Variants in PLEKHH3 observed in about 807,000 individuals in gnomAD.
PLEKHH3 encodes pleckstrin homology domain-containing family H member 3.
In PLEKHH3, 57 loss-of-function variants were observed where a neutral mutation model predicts 77.8. That is an observed-to-expected ratio of 0.73 (90% confidence interval 0.59 to 0.91). The LOEUF is 0.91. Ranked by LOEUF, PLEKHH3 falls within the 40% of genes least tolerant of loss-of-function variation. The pLI is 0.00. For synonymous variants in PLEKHH3, 467 were observed against 504.8 expected, an observed-to-expected ratio of 0.93 and a Z score of 1.00; for missense variants, 1,082 against 1,091.2, an observed-to-expected ratio of 0.99 and a Z score of 0.12.
rs368365301 is a variant in PLEKHH3, at chr17:42,669,304, TTGTC to T, written c.2205+122_2205+125del. 14 of 947,488 alleles carry T rather than the reference TTGTC, an allele frequency of 1.5e-5. No individual in the cohort carries two copies. The African/African-American group carries it at 2.4e-4, about 16-fold the overall frequency. The allele number at this position is 947,488 out of a possible 1,614,324, so 58.7% of individuals were successfully genotyped here. A position where few individuals can be genotyped will look rare whatever the true frequency, so the allele number is the denominator to read the frequency against. The stretch of plus-strand genomic sequence containing the variant: ...CCACTCTAGTGTAAGCTCCTTCAGC[TTGTC>T]TGTGATCACTGCTGGATCCCCAGTG... On this transcript the variant is annotated intron_variant, in intron 12 of 12. Transcript: ENST00000591022.
chr17:42,672,486 A>C, intron 6 of PLEKHH3, 94 bp from the exon 7 acceptor site: 1 of 1,108,308 alleles, frequency 9.0e-7, no homozygotes, highest in East Asian at 2.7e-5. Flanking sequence ...GTCAGAGGGA[A>C]TATAAGGGGA....
chr17:42,674,539 G>A, intron 1 of PLEKHH3, 130 bp from the exon 2 acceptor site: 1 of 762,438 alleles, frequency 1.3e-6, no homozygotes, highest in South Asian at 2.8e-5. Flanking sequence ...TCGTGACTAG[G>A]GTGGAGCACG....
At position 42,672,334 on chromosome 17, in the gene PLEKHH3, C is replaced by T; in HGVS notation, c.828G>A (p.Ala276=). 6.5e-7 allele frequency: 1 copy of T among 1,546,180 alleles called. No individual in the cohort carries two copies. Among genetic ancestry groups the T allele is most frequent in the Non-Finnish European group, 8.7e-7 (1 of 1,146,116 alleles). Residue 276 remains alanine (A), a synonymous_variant, in exon 7 of 13, where the codon GCG becomes GCA. Coordinates refer to ENST00000591022, the MANE Select transcript of PLEKHH3 (RefSeq NM_024927.5). ...GCCCGGGGCGCCGCGCCCCCTCCAG[C>T]GCCTGCAGCGCCAAGAACAGCCGCA... ...EAVRLFLALQ[A]LEGARRPGPL...
In PLEKHH3 at chr17:42,668,133, C is replaced by T. The variant is rs557532948; in HGVS notation, c.2376G>A (p.Gln792=). The part of the protein sequence containing the change: ...QGQSGCLGQL[Q]D ...TCGTGACCTCTTGGCAGGCTCAGTC[C>T]TGCAGCTGCCCCAAGCAGCCAGACT... Residue 792 remains glutamine (Q), a synonymous_variant, in exon 13 of 13, where the codon CAG becomes CAA. Coordinates refer to ENST00000591022, the MANE Select transcript of PLEKHH3 (RefSeq NM_024927.5). The T allele has an allele frequency of 4.8e-6, 7 of 1,449,990 alleles. No homozygotes were observed. In the African/African-American group the frequency reaches 8.8e-5, roughly 18 times the overall value. 89.8% of individuals were successfully genotyped at this position (1,449,990 alleles called of 1,614,324 possible). A position where few individuals can be genotyped will look rare whatever the true frequency, so the allele number is the denominator to read the frequency against.
chr17:42,675,181 G>C (rs542575216), intron 1 of PLEKHH3, among the ~76,000 whole-genome samples: 1 of 152,028 alleles, frequency 6.6e-6, no homozygotes, highest in South Asian at 2.1e-4. Context: ...AACCCAACCC[G>C]GAGGCCAGTC....
At chr17:42,674,595 G>C (rs2052781872) in intron 1 of PLEKHH3, 186 bp from the exon 2 acceptor site, 3 of 453,018 alleles carry the variant, frequency 6.6e-6, no homozygotes, top group Non-Finnish European at 1.2e-5. Flanking sequence ...AACAGGACAA[G>C]CTCTTCAGAA....
At chr17:42,674,603 G>T in intron 1 of PLEKHH3, 194 bp from the exon 2 acceptor site, 2 of 443,418 alleles carry the variant, frequency 4.5e-6, no homozygotes, top group East Asian at 6.9e-5. Flanking sequence ...AAGCTCTTCA[G>T]AACAGCAGGA....
intron 12 of PLEKHH3, 69 bp downstream of exon 12, chr17:42,669,361 G>C: frequency 1.4e-6 from 2 of 1,431,238 alleles, no homozygotes; most frequent in South Asian, 1.5e-5. Flanking sequence ...CCCAGGTTTG[G>C]TGTTCTGTAA....
chr17:42,672,990 CT>C (rs1567960191), intron 6 of PLEKHH3, among the ~76,000 whole-genome samples, 185 bp downstream of exon 6: 1 of 152,138 alleles, frequency 6.6e-6, no homozygotes, highest in African/African-American at 2.4e-5. Context: ...AAAGGGGGCC[CT>C]TTTGTGTGTG....
intron 1 of PLEKHH3, 185 bp from the exon 2 acceptor site, chr17:42,674,594 A>T: frequency 2.2e-6 from 1 of 461,076 alleles, no homozygotes; most frequent in East Asian, 3.4e-5. Context: ...TAACAGGACA[A>T]GCTCTTCAGA....
chr17:42,671,256 A>C lies in PLEKHH3; in HGVS notation c.1284+95T>G, dbSNP rs1254179395. On this transcript the variant is annotated intron_variant, in intron 8 of 12. Transcript: ENST00000591022. The surrounding 1 kb of genome is among the most constrained non-coding windows in gnomAD (Gnocchi z 4.7). ...TCCCTCCCTTACCAAAATAATCTAG[A>C]CTCGGGGCAAACCTAGGGTCCAGGA... The C allele has an allele frequency of 1.4e-5, 22 of 1,535,724 alleles. No homozygotes were observed. The highest frequency in any genetic ancestry group is 1.9e-5 in the Admixed American group (1 of 51,594).
Position 42,670,116 on chromosome 17 carries a change from C to CGAAGA in PLEKHH3, c.1814_1815insTCTTC (p.Arg606LeufsTer66), listed in dbSNP as rs1478078378. 8 of 1,292,030 alleles carry CGAAGA rather than the reference C, an allele frequency of 6.2e-6. No homozygotes were observed. In the South Asian group the frequency reaches 1.1e-4, roughly 18 times the overall value. The allele number at this position is 1,292,030 out of a possible 1,614,324, so 80.0% of individuals were successfully genotyped here. On this transcript the variant is annotated frameshift_variant, in exon 11 of 13. Transcript: ENST00000591022. LOFTEE classifies it high-confidence loss of function. ...CCGCAGTGCGGCCGGCCCCGCCGCG[C>CGAAGA]CGGGCCCGCTCCGCCCGCCTCTTGG...
chr17:42,675,909 C>T (rs2052814378), intron 1 of PLEKHH3: 2 of 1,012,562 alleles, frequency 2.0e-6, no homozygotes, highest in Non-Finnish European at 2.4e-6. Context: ...ACCTCCCTCT[C>T]CTTGGGGTCC....
chr17:42,673,803 C>A lies in PLEKHH3; in HGVS notation c.330G>T (p.Gly110=). 6.3e-7 allele frequency: 1 copy of A among 1,589,222 alleles called. No homozygotes were observed. Among genetic ancestry groups the A allele is most frequent in the South Asian group, 1.1e-5 (1 of 89,952 alleles). The part of the protein sequence containing the change: ...GWLYREPRGG[G]ARPWLPPRRA... ...GGCGCGGGGGCAGCCAGGGCCGCGC[C>A]CCTCCTCCGCGGGGCTCCCGGTACA... Residue 110 remains glycine (G), a synonymous_variant, in exon 4 of 13, where the codon GGG becomes GGT. Transcript: ENST00000591022.
In PLEKHH3 at chr17:42,671,356, C is replaced by G. The variant is rs1228837208; in HGVS notation, c.1279G>C (p.Gly427Arg). 2.5e-6 allele frequency: 4 copies of G among 1,612,614 alleles called. No homozygotes were observed. The highest frequency in any genetic ancestry group is 1.1e-5 in the South Asian group (1 of 91,024). The change falls in exon 8 of 13, where the codon GGG becomes CGG. Residue 427 changes from glycine (G) to arginine (R), a missense_variant. Gly to Arg is a moderately radical substitution (Grantham distance 125). Transcript: ENST00000591022. The surrounding 1 kb of genome is among the most constrained non-coding windows in gnomAD (Gnocchi z 4.7). ...GGGCCTTTCTCTGGCCTCACCTCCC[C>G]CGCCGTGGTGTGGGAGTCGATGGCC... ...AVAIDSHTTA[G>R]EVARELVGRL... is the part of the protein sequence containing the mutation.
At position 42,676,815 on chromosome 17, in the gene PLEKHH3, G is replaced by C; in HGVS notation, c.-252C>G. 3.5e-6 allele frequency: 2 copies of C among 566,504 alleles called. No homozygotes were observed. Among genetic ancestry groups the C allele is most frequent in the Non-Finnish European group, 6.3e-6 (2 of 317,396 alleles). The allele number at this position is 566,504 out of a possible 1,614,324, so 35.1% of individuals were successfully genotyped here. On this transcript the variant is annotated 5_prime_UTR_variant, in exon 1 of 13. Transcript: ENST00000591022. This position sits in a 1 kb window ranked among gnomAD's most constrained non-coding sequence, Gnocchi z 6.6. ...GCGTCCAGGGCCCCGGGAGAGGAGG[G>C]AGCAATGTCCGGAGCTGGGAAGTAG... is the stretch of plus-strand genomic sequence containing the variant.
chr17:42,671,457 G>C lies in PLEKHH3; in HGVS notation c.1178C>G (p.Ala393Gly). The C allele has an allele frequency of 3.7e-6, 6 of 1,613,108 alleles. No individual in the cohort carries two copies. Among genetic ancestry groups the C allele is most frequent in the Non-Finnish European group, 5.1e-6 (6 of 1,180,006 alleles). The change falls in exon 8 of 13, where the codon GCG becomes GGG. Residue 393 changes from alanine to glycine, a missense_variant. By Grantham distance (60) the Ala-to-Gly change is moderately conservative. Coordinates refer to ENST00000591022, the MANE Select transcript of PLEKHH3 (RefSeq NM_024927.5). This position sits in a 1 kb window ranked among gnomAD's most constrained non-coding sequence, Gnocchi z 4.7. Reference protein sequence around the residue: ...TRGRELVPSLAEISALSQRQE... With the variant: ...TRGRELVPSLGEISALSQRQE... ...CCGTTGGCTCAACGCGGAAATCTCC[G>C]CCAGCGAGGGCACCAGCTCTCTGCC...
rs1412443240 is a variant in PLEKHH3, at chr17:42,676,606, G to A, written c.-43C>T. The A allele has an allele frequency of 2.0e-5, 31 of 1,533,974 alleles. No homozygotes were observed. Among genetic ancestry groups the A allele is most frequent in the Non-Finnish European group, 2.6e-5 (30 of 1,139,872 alleles). On this transcript the variant is annotated 5_prime_UTR_variant, in exon 1 of 13. Transcript: ENST00000591022. This position sits in a 1 kb window ranked among gnomAD's most constrained non-coding sequence, Gnocchi z 6.6. ...GATGGGGGCGCGGGCAGCCGCGGCC[G>A]AGCAGTAGGGGGTCGGAGGAACTGG...
In PLEKHH3 at chr17:42,670,185, AG is replaced by A. The variant is rs1359935881; in HGVS notation, c.1745del (p.Pro582LeufsTer88). 3.4e-6 allele frequency: 4 copies of A among 1,166,826 alleles called. No individual in the cohort carries two copies. In the South Asian group the frequency reaches 1.2e-4, roughly 36 times the overall value. The allele number at this position is 1,166,826 out of a possible 1,614,324, so 72.3% of individuals were successfully genotyped here. A position where few individuals can be genotyped will look rare whatever the true frequency, so the allele number is the denominator to read the frequency against. On this transcript the variant is annotated frameshift_variant, in exon 11 of 13. Transcript: ENST00000591022. LOFTEE classifies it high-confidence loss of function. ...DPPRPTPRPPPSAALLAGALW... is the reference protein window; with the variant it reads ...DPPRPTPRPPXSAALLAGALW... The stretch of plus-strand genomic sequence containing the variant: ...GCGCCCCGGCCAGCAGGGCAGCGGA[AG>A]GGGGCGGCCTGGGGGTCGGGCGGGG...
Sources: gnomAD v4.1 joint callset for allele counts (sites outside exome capture counted in the v4.1 genomes callset) on GRCh38, gnomAD v4.1.1 for gene constraint, Gnocchi (gnomAD v3.1) non-coding constraint, MANE v1.5 for transcripts, NCBI Gene and HGNC (gene_info 2026-07-23, HGNC 2026-07-21) for gene names.